Variants in TNNI3K observed in about 807,000 individuals in gnomAD.
TNNI3K encodes serine/threonine-protein kinase TNNI3K.
In TNNI3K, 140 loss-of-function variants were observed where a neutral mutation model predicts 114.5. The observed-to-expected ratio is 1.22, with a 90% CI of 1.07 to 1.41. The LOEUF is 1.41. Ranked by LOEUF, TNNI3K falls within the 40% of genes most tolerant of loss-of-function variation. TNNI3K has a pLI of 0.00. For missense variants in TNNI3K, 1,125 were observed against 1,007.6 expected (o/e 1.12, Z -1.58); for synonymous variants, 347 against 347.5 (o/e 1.00, Z 0.02).
chr1:74,419,928 A>G (rs1056052339), intron 17 of TNNI3K, among the ~76,000 whole-genome samples: 1 of 152,126 alleles, frequency 6.6e-6, no homozygotes, highest in African/African-American at 2.4e-5. Context: ...CACAGATTTC[A>G]TAATGTATTA....
chr1:74,507,017 C>A (rs567974788), intron 23 of TNNI3K, among the ~76,000 whole-genome samples: 1 of 152,168 alleles, frequency 6.6e-6, no homozygotes, highest in Non-Finnish European at 1.5e-5. Context: ...TGACAAGGTT[C>A]ATTAAACTAA....
intron 7 of TNNI3K, among the ~76,000 whole-genome samples, chr1:74,338,113 T>G (rs76601464): frequency 0.078 from 11,824 of 152,132 alleles, 616 homozygotes; most frequent in Middle Eastern, 0.17. Context: ...ATAATGCATA[T>G]GTTTAATGTT....
At chr1:74,401,185 T>C (rs1664342715) in intron 17 of TNNI3K, among the ~76,000 whole-genome samples, 1 of 152,202 alleles carries the variant, frequency 6.6e-6, no homozygotes. Context: ...TATCTTCCTA[T>C]AAATCATTCA....
intron 5 of TNNI3K, among the ~76,000 whole-genome samples, chr1:74,287,270 CAG>C (rs1657391350): frequency 6.6e-6 from 1 of 151,834 alleles, no homozygotes; most frequent in African/African-American, 2.4e-5. Context: ...CAAGAAGAAA[CAG>C]AGAAAGAGAA....
At chr1:74,398,264 C>T (rs558509134) in intron 17 of TNNI3K, among the ~76,000 whole-genome samples, 2 of 152,162 alleles carry the variant, frequency 1.3e-5, no homozygotes, top group Admixed American at 1.3e-4. Context: ...GCCACCCAAA[C>T]TGAGGATGGG....
Position 74,439,521 on chromosome 1 carries a change from C to A in TNNI3K, c.1910C>A (p.Thr637Lys). 1 of 1,613,298 alleles carries A rather than the reference C, an allele frequency of 6.2e-7. No homozygotes were observed. The highest frequency in any genetic ancestry group is 8.5e-7 in the Non-Finnish European group (1 of 1,179,594). ...NLRWMAPEVF[T>K]QCTRYTIKAD... is the part of the protein sequence containing the mutation. ...CGTTGGATGGCTCCTGAGGTGTTCACGCAGTGCACTCGGTACACCATCAAA... is the reference window on the plus strand; with the variant it reads ...CGTTGGATGGCTCCTGAGGTGTTCAAGCAGTGCACTCGGTACACCATCAAA... The change falls in exon 20 of 25, where the codon ACG becomes AAG. Residue 637 changes from threonine to lysine, a missense_variant. Coordinates refer to ENST00000326637, the MANE Select transcript of TNNI3K (RefSeq NM_015978.3).
At chr1:74,272,146 A>T (rs537788138) in intron 5 of TNNI3K, among the ~76,000 whole-genome samples, 1 of 152,066 alleles carries the variant, frequency 6.6e-6, no homozygotes, top group South Asian at 2.1e-4. Context: ...TCACTCATTC[A>T]TCTACTTATG....
chr1:74,402,398 A>AC (rs1557545284), intron 17 of TNNI3K, among the ~76,000 whole-genome samples: 1 of 152,174 alleles, frequency 6.6e-6, no homozygotes, highest in African/African-American at 2.4e-5. Context: ...ACTGAAAAAA[A>AC]TGTGTTTCTG....
At chr1:74,397,773 A>G (rs533735665) in intron 17 of TNNI3K, among the ~76,000 whole-genome samples, 1 of 152,336 alleles carries the variant, frequency 6.6e-6, no homozygotes, top group South Asian at 2.1e-4. Context: ...TTATGATAGC[A>G]TAACACAATG....
At chr1:74,242,049 CTG>C (rs1654264822) in intron 2 of TNNI3K, among the ~76,000 whole-genome samples, 1 of 151,972 alleles carries the variant, frequency 6.6e-6, no homozygotes, top group African/African-American at 2.4e-5. Flanking sequence ...CGGGGTTTCA[CTG>C]TGTTAGCCAG....
intron 5 of TNNI3K, among the ~76,000 whole-genome samples, chr1:74,306,675 C>A (rs955868951): frequency 3.3e-5 from 5 of 152,110 alleles, no homozygotes; most frequent in Non-Finnish European, 5.9e-5. Flanking sequence ...TGTATGTCTT[C>A]TTTTAAGAAG....
intron 23 of TNNI3K, among the ~76,000 whole-genome samples, chr1:74,524,765 A>AG (rs2100422895): frequency 1.3e-5 from 2 of 152,056 alleles, no homozygotes; most frequent in African/African-American, 4.8e-5. Context: ...GTAAAAAAAA[A>AG]AAATGAAAAA....
chr1:74,307,944 A>G (rs1222137242), intron 5 of TNNI3K, among the ~76,000 whole-genome samples: 1 of 152,152 alleles, frequency 6.6e-6, no homozygotes. Context: ...GCCTGAGGAC[A>G]GAGCAAGACT....
At chr1:74,461,213 C>G (rs1236587416) in intron 20 of TNNI3K, among the ~76,000 whole-genome samples, 2 of 152,038 alleles carry the variant, frequency 1.3e-5, no homozygotes, top group Non-Finnish European at 2.9e-5. Context: ...CAGCATGGTG[C>G]CTCACGCCTG....
At chr1:74,393,994 G>A (rs1007408328) in intron 17 of TNNI3K, among the ~76,000 whole-genome samples, 1 of 152,170 alleles carries the variant, frequency 6.6e-6, no homozygotes, top group East Asian at 1.9e-4. Flanking sequence ...CAGGCCACAG[G>A]TTGGGACCCC....
chr1:74,518,677 A>G (rs61778068), intron 23 of TNNI3K, among the ~76,000 whole-genome samples: 2 of 152,060 alleles, frequency 1.3e-5, no homozygotes, highest in South Asian at 2.1e-4. Context: ...TTTCAAAACA[A>G]TATCTGTTTT....
In TNNI3K at chr1:74,504,320, A is replaced by T. The variant is rs115142318; in HGVS notation, c.2351+12054A>T. On this transcript the variant is annotated intron_variant, in intron 23 of 24. Coordinates refer to ENST00000326637, the MANE Select transcript of TNNI3K (RefSeq NM_015978.3). ...TTGTTTTTAGCTGCCTTGCTCTCTA[A>T]CGCCATCTAGCAGTCAGTTGCCAAA... 3.9e-3 allele frequency among the ~76,000 whole-genome samples: 599 copies of T among 152,260 alleles called. 7 individuals carry two copies. The highest frequency in any genetic ancestry group is 0.014 in the African/African-American group (584 of 41,556).
intron 5 of TNNI3K, among the ~76,000 whole-genome samples, chr1:74,297,307 T>C (rs1658047438): frequency 6.6e-6 from 1 of 152,192 alleles, no homozygotes; most frequent in Non-Finnish European, 1.5e-5. Flanking sequence ...TTCCCCCTGA[T>C]ATTCGTATGT....
At chr1:74,496,967 C>G (rs1252215684) in intron 23 of TNNI3K, among the ~76,000 whole-genome samples, 1 of 152,082 alleles carries the variant, frequency 6.6e-6, no homozygotes, top group Non-Finnish European at 1.5e-5. Context: ...ACCTAGTTAG[C>G]TGTCCAGAAG....
Sources: allele counts gnomAD v4.1 joint callset (sites outside exome capture counted in the v4.1 genomes callset), GRCh38; gene constraint gnomAD v4.1.1; transcripts MANE v1.5; gene names NCBI Gene and HGNC (gene_info 2026-07-23, HGNC 2026-07-21).